Variants in PLEKHG1 observed in about 807,000 individuals in gnomAD.
PLEKHG1 encodes pleckstrin homology domain-containing family G member 1.
In PLEKHG1, 44 loss-of-function variants were observed where a neutral mutation model predicts 100.8. That is an observed-to-expected ratio of 0.44 (90% CI 0.34 to 0.56). The LOEUF (loss-of-function observed/expected upper bound fraction) is 0.56. Among genes scored for constraint, PLEKHG1 ranks in the 20% least tolerant of loss-of-function variants. The pLI, the probability that PLEKHG1 is intolerant of heterozygous loss-of-function variation, is 0.01. For missense variants in PLEKHG1, 1,545 were observed against 1,720.9 expected (o/e 0.90, Z 1.81); for synonymous variants, 640 against 662.5 (o/e 0.97, Z 0.52).
chr6:150,765,518 A>T (rs1223177058), intron 2 of PLEKHG1, among the ~76,000 whole-genome samples: 1 of 150,674 alleles, frequency 6.6e-6, no homozygotes. Flanking sequence ...ATTTAATGTG[A>T]TATCAGAAGA....
exon 5 of PLEKHG1, chr6:150,795,871 A>G (rs745449332): frequency 3.7e-6 from 6 of 1,604,768 alleles, no homozygotes; most frequent in South Asian, 1.1e-5. Flanking sequence ...AGAGTTCCAC[A>G]TTTATACCCA....
intron 14 of PLEKHG1, among the ~76,000 whole-genome samples, chr6:150,828,880 A>C (rs564872617): frequency 6.6e-6 from 1 of 152,218 alleles, no homozygotes; most frequent in Non-Finnish European, 1.5e-5. Flanking sequence ...GAAGAGAAAG[A>C]TATATTAAAG....
chr6:150,804,567 A>C, intron 6 of PLEKHG1, 43 bp from the exon 8 acceptor site: 17 of 1,502,128 alleles, frequency 1.1e-5, no homozygotes, highest in Non-Finnish European at 1.5e-5. Context: ...CTATATGAAA[A>C]TAAAATGAAA....
At chr6:150,628,830 A>C (rs949354266) in intron 1 of PLEKHG1, among the ~76,000 whole-genome samples, 1 of 152,196 alleles carries the variant, frequency 6.6e-6, no homozygotes, top group East Asian at 1.9e-4. Flanking sequence ...TTAGAGAAGC[A>C]CTACTCCAGG....
chr6:150,744,978 T>G (rs1344086329), intron 2 of PLEKHG1, among the ~76,000 whole-genome samples: 1 of 152,152 alleles, frequency 6.6e-6, no homozygotes, highest in Non-Finnish European at 1.5e-5. Flanking sequence ...GTATAGATGA[T>G]AGAGGGAAAG....
intron 2 of PLEKHG1, among the ~76,000 whole-genome samples, chr6:150,755,651 G>C (rs962188249): frequency 6.6e-6 from 1 of 152,070 alleles, no homozygotes; most frequent in Non-Finnish European, 1.5e-5. Context: ...TCTGCTTCAC[G>C]CTGAAGCTAC....
intron 1 of PLEKHG1, among the ~76,000 whole-genome samples, chr6:150,637,507 C>G (rs1022979646): frequency 4.6e-4 from 70 of 151,926 alleles, no homozygotes; most frequent in African/African-American, 1.3e-3. Context: ...ATGGTAAGCA[C>G]TGTTATTGCA....
At chr6:150,725,664 GT>G (rs1781925380) in intron 1 of PLEKHG1, among the ~76,000 whole-genome samples, 1 of 151,756 alleles carries the variant, frequency 6.6e-6, no homozygotes, top group South Asian at 2.1e-4. Context: ...TCACTTGTCT[GT>G]TTTTGCTTTT....
intron 3 of PLEKHG1, among the ~76,000 whole-genome samples, chr6:150,785,738 T>C (rs9322283): frequency 0.69 from 104,476 of 151,730 alleles, 36,853 homozygotes; most frequent in East Asian, 0.91. Context: ...CAATACCAGT[T>C]TGTGACCTGT....
intron 3 of PLEKHG1, among the ~76,000 whole-genome samples, chr6:150,685,912 C>T (rs1780114402): frequency 6.6e-6 from 1 of 152,184 alleles, no homozygotes; most frequent in African/African-American, 2.4e-5. Context: ...GTCATAACAA[C>T]AGTAAATGAT....
At chr6:150,809,420 C>A (rs1787353114) in exon 9 of PLEKHG1, 1 of 1,613,798 alleles carries the variant, frequency 6.2e-7, no homozygotes, top group South Asian at 1.1e-5. Context: ...TCCAAAAGAG[C>A]CGCTCAGCTT....
At chr6:150,799,538 C>T (rs972232854) in intron 5 of PLEKHG1, among the ~76,000 whole-genome samples, 1 of 152,148 alleles carries the variant, frequency 6.6e-6, no homozygotes, top group African/African-American at 2.4e-5. Context: ...AGGTTCTTAC[C>T]CTTGAGCAAG....
At chr6:150,766,517 G>C (rs77512097) in intron 2 of PLEKHG1, among the ~76,000 whole-genome samples, 4,464 of 152,272 alleles carry the variant, frequency 0.029, 209 homozygotes, top group African/African-American at 0.1. Context: ...TATGATCAGT[G>C]GGGGGGAACA....
chr6:150,622,562 A>G lies in PLEKHG1; in HGVS notation c.-203-15518A>G, dbSNP rs571815150. ...GGATGAACCCCAGAGCCCACCCTTC[A>G]GTAATAAGACAATACTCAGATGCCA... is the stretch of plus-strand genomic sequence containing the variant. On this transcript the variant is annotated intron_variant, in intron 1 of 3. Transcript: ENST00000367326. 3.1e-3 allele frequency among the ~76,000 whole-genome samples: 477 copies of G among 152,258 alleles called. 3 individuals carry two copies. Among genetic ancestry groups the G allele is most frequent in the African/African-American group, 0.011 (460 of 41,554 alleles).
chr6:150,720,821 T>C (rs2128609242), upstream of PLEKHG1, among the ~76,000 whole-genome samples: 1 of 152,292 alleles, frequency 6.6e-6, no homozygotes, highest in South Asian at 2.1e-4. Flanking sequence ...CCCAGCAGCT[T>C]TGGGCGAGTG....
chr6:150,780,023 G>A (rs1785219472), intron 3 of PLEKHG1, among the ~76,000 whole-genome samples: 1 of 151,850 alleles, frequency 6.6e-6, no homozygotes, highest in Non-Finnish European at 1.5e-5. Context: ...TGCTCAGAGA[G>A]AGGGCCTATA....
chr6:150,607,249 G>A (rs1012361132), intron 1 of PLEKHG1, among the ~76,000 whole-genome samples: 1 of 152,144 alleles, frequency 6.6e-6, no homozygotes, highest in East Asian at 1.9e-4. Context: ...GATTGCAGCA[G>A]AGGGAGAATG....
At position 150,831,187 on chromosome 6, in the gene PLEKHG1, C is replaced by T. The variant is rs770698274; in HGVS notation, c.2076C>T (p.Arg692=). 16 of 1,613,998 alleles carry T rather than the reference C, an allele frequency of 9.9e-6. 1 individual carries two copies. The South Asian group carries it at 1.8e-4, about 18-fold the overall frequency. The stretch of plus-strand genomic sequence containing the variant: ...CTAAATCAGCCAGGGACTCCGTTCG[C>T]CCCAAGAGCACCCCAGAGTTAGCCT... The change falls in exon 15 of 16, where the codon CGC becomes CGT. Residue 692 remains arginine, a synonymous_variant. Transcript: ENST00000358517. This position sits in a 1 kb window ranked among gnomAD's most constrained non-coding sequence, Gnocchi z 4.1.
chr6:150,672,524 C>G (rs1348041926), intron 3 of PLEKHG1, among the ~76,000 whole-genome samples: 2 of 152,162 alleles, frequency 1.3e-5, no homozygotes, highest in Non-Finnish European at 2.9e-5. Flanking sequence ...TCATTAGTTG[C>G]TCATTCTAAG....
Sources: allele counts gnomAD v4.1 joint callset (sites outside exome capture counted in the v4.1 genomes callset), GRCh38; gene constraint gnomAD v4.1.1; non-coding constraint Gnocchi (gnomAD v3.1); transcripts MANE v1.5; gene names NCBI Gene and HGNC (gene_info 2026-07-23, HGNC 2026-07-21).